The following SLC4A5 variants were observed in gnomAD, a reference collection of about 807,000 sequenced individuals.
SLC4A5 encodes the protein solute carrier family 4 member 5, also known as electrogenic sodium bicarbonate cotransporter 4.
SLC4A5 carries 96 observed loss-of-function variants against 120.4 expected under a neutral mutation model. That is an observed-to-expected ratio of 0.80 (90% CI 0.68 to 0.94). The LOEUF (loss-of-function observed/expected upper bound fraction) is 0.94. Among genes scored for constraint, SLC4A5 ranks in the 40% least tolerant of loss-of-function variants. The probability of loss-of-function intolerance (pLI) is 0.00; values close to 1 mark genes in which losing one functional copy is unlikely to be tolerated. For synonymous variants in SLC4A5, 550 were observed against 571.1 expected (o/e 0.96, Z 0.53); for missense variants, 1,259 against 1,459.5 (o/e 0.86, Z 2.24).
At chr2:74,234,973 T>G (rs1573010771) in intron 22 of SLC4A5, 128 bp downstream of exon 22, 4 of 701,194 alleles carry the variant, frequency 5.7e-6, no homozygotes, top group South Asian at 3.8e-5. Context: ...TCAGGAAAGG[T>G]GGCACACAGA....
intron 7 of SLC4A5, among the ~76,000 whole-genome samples, chr2:74,303,573 CTCT>C (rs1467906482): frequency 1.3e-5 from 2 of 152,144 alleles, no homozygotes; most frequent in East Asian, 1.9e-4. Context: ...CTTTTTACTC[CTCT>C]TAAGATTGAT....
chr2:74,304,626 G>A, exon 7 of SLC4A5: 1 of 1,614,170 alleles, frequency 6.2e-7, no homozygotes, highest in South Asian at 1.1e-5. Flanking sequence ...CTTCTGGTCA[G>A]TTTTTCTTTG....
At chr2:74,313,014 T>C (rs924293620) in intron 6 of SLC4A5, among the ~76,000 whole-genome samples, 2 of 149,328 alleles carry the variant, frequency 1.3e-5, no homozygotes, top group African/African-American at 5.1e-5. Flanking sequence ...GTGGCACTTG[T>C]CCTTTTTTTT....
intron 4 of SLC4A5, among the ~76,000 whole-genome samples, chr2:74,331,213 G>A (rs1673359020): frequency 6.6e-6 from 1 of 151,442 alleles, no homozygotes; most frequent in African/African-American, 2.4e-5. Flanking sequence ...GGTGTGGGTG[G>A]TGAGGTATAG....
chr2:74,309,029 C>T (rs950296549), intron 6 of SLC4A5, among the ~76,000 whole-genome samples: 3 of 151,920 alleles, frequency 2.0e-5, no homozygotes, highest in African/African-American at 4.8e-5. Flanking sequence ...ATCCTCCCAC[C>T]TCAGCCTCCA....
Position 74,233,564 on chromosome 2 carries a change from C to G in SLC4A5, c.2434-1G>C. 6.2e-7 allele frequency: 1 copy of G among 1,610,050 alleles called. No homozygotes were observed. Among genetic ancestry groups the G allele is most frequent in the Non-Finnish European group, 8.5e-7 (1 of 1,177,802 alleles). The stretch of plus-strand genomic sequence containing the variant: ...ACCAGCCTCGGTCAGGCCGCGTTGG[C>G]TGAGTGGGAGCAAACAGAGAGGGGC... On this transcript the variant is annotated splice_acceptor_variant, in intron 22 of 30. Coordinates refer to ENST00000394019, the Ensembl canonical transcript of SLC4A5. LOFTEE classifies it high-confidence loss of function.
chr2:74,322,982 T>C (rs1673133105), intron 5 of SLC4A5, among the ~76,000 whole-genome samples: 1 of 152,194 alleles, frequency 6.6e-6, no homozygotes, highest in Non-Finnish European at 1.5e-5. Context: ...CTCACACCTG[T>C]AATCCCAGCA....
At chr2:74,332,172 G>A (rs1006655877) in intron 4 of SLC4A5, among the ~76,000 whole-genome samples, 1 of 152,158 alleles carries the variant, frequency 6.6e-6, no homozygotes. Flanking sequence ...AGCACAGAGG[G>A]GTTGTGAACA....
chr2:74,254,806 G>A, intron 13 of SLC4A5, 100 bp from the exon 14 acceptor site: 2 of 858,148 alleles, frequency 2.3e-6, no homozygotes, highest in Admixed American at 2.2e-5. Context: ...CTCTGGCCCT[G>A]AACAGTATGC....
chr2:74,264,019 G>T, intron 10 of SLC4A5, 128 bp downstream of exon 10: 2 of 1,240,414 alleles, frequency 1.6e-6, no homozygotes, highest in Non-Finnish European at 2.2e-6. Flanking sequence ...AGAGAAGGAG[G>T]CTGAGGGATC....
chr2:74,295,241 T>C (rs539736321), intron 7 of SLC4A5, among the ~76,000 whole-genome samples: 9 of 151,978 alleles, frequency 5.9e-5, no homozygotes, highest in African/African-American at 2.2e-4. Flanking sequence ...GCCAAAAATA[T>C]GGTAGGAAGG....
At chr2:74,247,048 C>T (rs762270102) in exon 19 of SLC4A5, 24 of 1,613,578 alleles carry the variant, frequency 1.5e-5, no homozygotes, top group Middle Eastern at 1.6e-4. Flanking sequence ...GTGTCAGGGG[C>T]GACACACTCG....
chr2:74,343,183 T>C (rs1320929438), intron 1 of SLC4A5, among the ~76,000 whole-genome samples, 173 bp downstream of exon 1: 4 of 152,222 alleles, frequency 2.6e-5, no homozygotes, highest in African/African-American at 9.6e-5. Context: ...AGGTTACTCC[T>C]TATCTTTGCT....
intron 2 of SLC4A5, among the ~76,000 whole-genome samples, chr2:74,340,136 C>T (rs1037549505): frequency 1.3e-5 from 2 of 152,062 alleles, no homozygotes; most frequent in Non-Finnish European, 2.9e-5. Context: ...TATTACAGAA[C>T]AATGTGAATA....
At chr2:74,289,241 T>C (rs1672082296) in intron 7 of SLC4A5, among the ~76,000 whole-genome samples, 1 of 152,252 alleles carries the variant, frequency 6.6e-6, no homozygotes, top group African/African-American at 2.4e-5. Context: ...GAAATCATTT[T>C]ACTAGCAGAA....
exon 19 of SLC4A5, chr2:74,247,144 C>T (rs772367349): frequency 1.4e-5 from 22 of 1,614,022 alleles, no homozygotes; most frequent in South Asian, 3.3e-5. Context: ...TTGATGGCAT[C>T]GTAGATGAAG....
At chr2:74,320,639 A>T (rs1449572222) in intron 5 of SLC4A5, among the ~76,000 whole-genome samples, 1 of 152,150 alleles carries the variant, frequency 6.6e-6, no homozygotes, top group Non-Finnish European at 1.5e-5. Flanking sequence ...TTTTTCAGGA[A>T]GTGACTGAAG....
rs368051644 is a variant in SLC4A5, at chr2:74,255,153, C to T, written c.1026-447G>A. ...AACTTTTTTACTTCCCTCCATGGAA[C>T]CCTATGTTTGCTTTGGAGGAACATT... On this transcript the variant is annotated intron_variant, in intron 13 of 30. Coordinates refer to ENST00000394019, the Ensembl canonical transcript of SLC4A5. This position sits in a 1 kb window ranked among gnomAD's most constrained non-coding sequence, Gnocchi z 4.0. Among the ~76,000 whole-genome samples, 4 of 152,100 alleles carry T rather than the reference C, an allele frequency of 2.6e-5. No homozygotes were observed. Among genetic ancestry groups the T allele is most frequent in the Non-Finnish European group, 4.4e-5 (3 of 68,030 alleles).
At chr2:74,237,681 T>A (rs1670310511) in intron 21 of SLC4A5, among the ~76,000 whole-genome samples, 1 of 152,158 alleles carries the variant, frequency 6.6e-6, no homozygotes, top group African/African-American at 2.4e-5. Context: ...GAGTTTACGG[T>A]GGGAAAGAGT....
Sources: allele counts gnomAD v4.1 joint callset (sites outside exome capture counted in the v4.1 genomes callset), GRCh38; gene constraint gnomAD v4.1.1; non-coding constraint Gnocchi (gnomAD v3.1); transcripts MANE v1.5; gene names NCBI Gene and HGNC (gene_info 2026-07-23, HGNC 2026-07-21).